Variants in B4GALT6 observed in about 807,000 individuals in gnomAD.
The protein encoded by B4GALT6 is beta-1,4-galactosyltransferase 6, also known as UDP-Gal:beta-GlcNAc beta-1,4-galactosyltransferase 6.
In B4GALT6, 14 loss-of-function variants were observed where a neutral mutation model predicts 46.3. The observed-to-expected ratio is 0.30, with a 90% CI of 0.20 to 0.47. The LOEUF is 0.47. B4GALT6 is among the 20% of genes least tolerant of loss of function. The pLI, the probability that B4GALT6 is intolerant of heterozygous loss-of-function variation, is 0.99. For missense variants in B4GALT6, 386 were observed against 480.1 expected (o/e 0.80, Z 1.83); for synonymous variants, 168 against 162.0 (o/e 1.04, Z -0.28).
chr18:31,724,595 A>T, the B4GALT6 span: 2 of 1,065,176 alleles, frequency 1.9e-6, no homozygotes, highest in East Asian at 1.7e-4. Context: ...ATTCAGCTGG[A>T]GAGCTGCCCC....
chr18:31,645,620 G>A (rs117060609), intron 3 of B4GALT6, 141 bp from the exon 4 acceptor site: 827 of 714,374 alleles, frequency 1.2e-3, no homozygotes, highest in Non-Finnish European at 1.7e-3. Flanking sequence ...ACAAAATTAT[G>A]AATAGCGCTC....
At chr18:31,712,776 T>C in the B4GALT6 span, among the ~76,000 whole-genome samples, 3 of 152,248 alleles carry the variant, frequency 2.0e-5, no homozygotes, top group African/African-American at 7.2e-5. Context: ...GAATTTGATT[T>C]CTTTTTCATT....
At chr18:31,627,158 C>T in intron 6 of B4GALT6, 37 bp from the exon 7 acceptor site, 1 of 1,548,978 alleles carries the variant, frequency 6.5e-7, no homozygotes, top group Non-Finnish European at 8.7e-7. Flanking sequence ...AAAATAAAAT[C>T]ATAATAATTT....
At chr18:31,711,858 T>C in the B4GALT6 span, among the ~76,000 whole-genome samples, 2 of 152,252 alleles carry the variant, frequency 1.3e-5, no homozygotes, top group African/African-American at 4.8e-5. Flanking sequence ...TCAAACACTA[T>C]TGCAAAATGA....
Position 31,660,710 on chromosome 18 carries a change from G to A in B4GALT6, c.233-2621C>T, listed in dbSNP as rs1452980051. Among the ~76,000 whole-genome samples the A allele has an allele frequency of 2.6e-5, 4 of 151,728 alleles. No homozygotes were observed. In the South Asian group the frequency reaches 8.3e-4, roughly 32 times the overall value. The stretch of plus-strand genomic sequence containing the variant: ...GAGAGAGAAATAATACATAATAGGA[G>A]TTCCAAAAAGAAAGGAAAATAATAG... On this transcript the variant is annotated intron_variant, in intron 2 of 8. Transcript: ENST00000306851.
intron 1 of B4GALT6, among the ~76,000 whole-genome samples, chr18:31,669,128 G>A (rs1170035460): frequency 1.3e-5 from 2 of 151,992 alleles, no homozygotes; most frequent in Non-Finnish European, 2.9e-5. Context: ...TGTATTAGGT[G>A]TATTTCAGTT....
At chr18:31,704,583 C>G in the B4GALT6 span, among the ~76,000 whole-genome samples, 1 of 152,154 alleles carries the variant, frequency 6.6e-6, no homozygotes, top group African/African-American at 2.4e-5. Flanking sequence ...TATAAAATCT[C>G]TGACAAACAC....
chr18:31,644,673 G>A (rs2073970355), intron 4 of B4GALT6, among the ~76,000 whole-genome samples: 1 of 152,142 alleles, frequency 6.6e-6, no homozygotes, highest in South Asian at 2.1e-4. Flanking sequence ...GGGCAAGTCT[G>A]GTTTAAATTA....
chr18:31,672,825 C>G (rs2074371751), intron 1 of B4GALT6, among the ~76,000 whole-genome samples: 1 of 152,138 alleles, frequency 6.6e-6, no homozygotes, highest in Non-Finnish European at 1.5e-5. Flanking sequence ...AGCAGTGTGG[C>G]CCCAGCAAGC....
the B4GALT6 span, among the ~76,000 whole-genome samples, chr18:31,700,141 G>A: frequency 6.6e-6 from 1 of 152,036 alleles, no homozygotes; most frequent in Admixed American, 6.6e-5. Context: ...CATAAGAGGT[G>A]TGTCCTTTAC....
At chr18:31,637,842 A>G (rs1473140827) in intron 5 of B4GALT6, among the ~76,000 whole-genome samples, 1 of 152,224 alleles carries the variant, frequency 6.6e-6, no homozygotes, top group Non-Finnish European at 1.5e-5. Flanking sequence ...ATAATTTAGA[A>G]AAGAACTTTG....
rs1378056260 is a variant in B4GALT6 at position 31,627,042 on chromosome 18, C to T, written c.856G>A (p.Ala286Thr). Residue 286 changes from alanine (A) to threonine (T), a missense_variant, in exon 7 of 9, where the codon GCC becomes ACC. Transcript: ENST00000306851. ...TCTTCTCCTCCCCATCCCCAGAAGG[C>T]ATTAGGAAAACCATTGATCTTTCTA... ...QFRKINGFPN[A>T]FWGWGGEDDD... The T allele has an allele frequency of 1.9e-6, 3 of 1,611,550 alleles. No individual in the cohort carries two copies. Among genetic ancestry groups the T allele is most frequent in the Non-Finnish European group, 1.7e-6 (2 of 1,178,952 alleles).
chr18:31,701,171 T>C, the B4GALT6 span, among the ~76,000 whole-genome samples: 1 of 152,214 alleles, frequency 6.6e-6, no homozygotes, highest in Non-Finnish European at 1.5e-5. Flanking sequence ...GATTGAATTA[T>C]GGGGACAGAG....
rs752627627 is a variant in B4GALT6 at position 31,625,721 on chromosome 18, C to T, written c.1042G>A (p.Asp348Asn). The change falls in exon 9 of 9, where the codon GAT becomes AAT. Residue 348 changes from aspartate (D) to asparagine (N), a missense_variant. By Grantham distance (23) the Asp-to-Asn change is conservative. Transcript: ENST00000306851. ...CTATATATTAAATTGTTCAGTCCAT[C>T]GATGTACTGACGCTCCTTGGAATAC... ...LRYSKERQYI[D>N]GLNNLIYRPK... The T allele has an allele frequency of 1.9e-6, 3 of 1,611,086 alleles. No individual in the cohort carries two copies. Among genetic ancestry groups the T allele is most frequent in the Non-Finnish European group, 2.5e-6 (3 of 1,179,074 alleles).
At chr18:31,695,278 T>G in the B4GALT6 span, among the ~76,000 whole-genome samples, 1 of 137,694 alleles carries the variant, frequency 7.3e-6, no homozygotes, top group Non-Finnish European at 1.6e-5. Flanking sequence ...CTGCCACTTC[T>G]CCTCCCTGAA....
At chr18:31,707,466 A>G in the B4GALT6 span, among the ~76,000 whole-genome samples, 1 of 152,126 alleles carries the variant, frequency 6.6e-6, no homozygotes. Flanking sequence ...TTGCCACAAA[A>G]AAAGGTGGGC....
chr18:31,672,799 C>T (rs2144714836), intron 1 of B4GALT6, among the ~76,000 whole-genome samples: 1 of 152,246 alleles, frequency 6.6e-6, no homozygotes, highest in East Asian at 1.9e-4. Context: ...AGTGGTGGAG[C>T]CAGAATTCAA....
At chr18:31,695,060 G>A in the B4GALT6 span, among the ~76,000 whole-genome samples, 5 of 151,868 alleles carry the variant, frequency 3.3e-5, no homozygotes, top group South Asian at 2.1e-4. Context: ...GCTATACTAC[G>A]GAGAAGGAAT....
upstream of B4GALT6, among the ~76,000 whole-genome samples, chr18:31,685,451 C>A (rs1016509795): frequency 6.6e-6 from 1 of 151,466 alleles, no homozygotes; most frequent in Non-Finnish European, 1.5e-5. Context: ...GCGCGCTTCG[C>A]GCGCTCGCTC....
Sources: allele counts gnomAD v4.1 joint callset (sites outside exome capture counted in the v4.1 genomes callset), GRCh38; gene constraint gnomAD v4.1.1; transcripts MANE v1.5; gene names NCBI Gene and HGNC (gene_info 2026-07-23, HGNC 2026-07-21).